BBOF1: variants seen among roughly 807,000 people sequenced by gnomAD.
BBOF1 encodes basal body-orientation factor 1.
BBOF1 carries 62 observed loss-of-function variants against 68.0 expected under a neutral mutation model. The observed-to-expected ratio is 0.91, with a 90% CI of 0.74 to 1.13. The LOEUF (loss-of-function observed/expected upper bound fraction) is 1.13, where lower values mean the gene tolerates loss of function less well. BBOF1 is among the 50% of genes most tolerant of loss of function. The pLI, the probability that BBOF1 is intolerant of heterozygous loss-of-function variation, is 0.00. For synonymous variants in BBOF1, 208 were observed against 198.8 expected (o/e 1.05, Z -0.39); for missense variants, 534 against 600.1 (o/e 0.89, Z 1.15).
At chr14:74,067,354 A>G, downstream of BBOF1, 1 of 1,612,042 alleles carries the variant, frequency 6.2e-7, no homozygotes. Flanking sequence ...GCAAAATCTA[A>G]GGGGGCAAGT....
chr14:74,082,739 C>G (rs566461024), intron 12 of BBOF1: 1 of 151,992 alleles, frequency 6.6e-6, no homozygotes, highest in South Asian at 2.1e-4. Flanking sequence ...CAAAGATTCA[C>G]GTTACAACTC....
At chr14:74,040,288 C>G (rs901781250) in intron 4 of BBOF1, among the ~76,000 whole-genome samples, 1 of 152,182 alleles carries the variant, frequency 6.6e-6, no homozygotes, top group Non-Finnish European at 1.5e-5. Flanking sequence ...CGTGCTCAGC[C>G]TCTTAATATT....
intron 9 of BBOF1, 178 bp from the exon 10 acceptor site, chr14:74,056,728 G>A (rs761526507): frequency 3.6e-6 from 2 of 563,342 alleles, no homozygotes; most frequent in Non-Finnish European, 6.3e-6. Context: ...TCTCTATGAT[G>A]TGATTATTTC....
At chr14:74,043,252 T>G (rs1258513073) in intron 5 of BBOF1, among the ~76,000 whole-genome samples, 1 of 152,030 alleles carries the variant, frequency 6.6e-6, no homozygotes, top group African/African-American at 2.4e-5. Context: ...TATATATATA[T>G]TTTTTAAGAC....
intron 3 of BBOF1, among the ~76,000 whole-genome samples, chr14:74,030,827 C>T (rs1317169795): frequency 6.6e-6 from 1 of 151,240 alleles, no homozygotes; most frequent in Non-Finnish European, 1.5e-5. Flanking sequence ...TGTAGAAAAC[C>T]ATTTTATTTA....
intron 8 of BBOF1, among the ~76,000 whole-genome samples, chr14:74,051,953 A>AT (rs1488890327): frequency 2.2e-4 from 33 of 151,858 alleles, no homozygotes; most frequent in Admixed American, 1.8e-3. Context: ...GTTTTGAATT[A>AT]TATGGCTGTT....
In BBOF1 at chr14:74,050,088, G is replaced by C; in HGVS notation, c.1179G>C (p.Met393Ile). 1 of 1,614,018 alleles carries C rather than the reference G, an allele frequency of 6.2e-7. No homozygotes were observed. The highest frequency in any genetic ancestry group is 8.5e-7 in the Non-Finnish European group (1 of 1,179,942). ...QIAQAAFNLK[M>I]RAACTGRTEY... ...CACAAGCTGCTTTCAATTTAAAAAT[G>C]AGAGCAGCATGTACAGGAAGAACAG... Residue 393 changes from methionine to isoleucine, a missense_variant, in exon 8 of 12, where the codon ATG becomes ATC. By Grantham distance (10) the Met-to-Ile change is conservative (BLOSUM62 1). Coordinates refer to ENST00000394009, the MANE Select transcript of BBOF1 (RefSeq NM_025057.3).
intron 2 of BBOF1, among the ~76,000 whole-genome samples, chr14:74,028,220 T>G (rs545173955): frequency 6.6e-6 from 1 of 151,790 alleles, no homozygotes; most frequent in Admixed American, 6.6e-5. Flanking sequence ...ATACAAAAAA[T>G]TAGCCAAGTG....
rs1360588483 is a variant in BBOF1 at position 74,059,214 on chromosome 14, C to T, written c.1578+1956C>T. ...AATTTCTTAGGCCCAGTTAATTGCTCTACATGAAGAGTTCTTCATTAAACA... is the reference window on the plus strand; with the variant it reads ...AATTTCTTAGGCCCAGTTAATTGCTTTACATGAAGAGTTCTTCATTAAACA... On this transcript the variant is annotated intron_variant, in intron 11 of 11. Transcript: ENST00000394009. 2.2e-5 allele frequency: 6 copies of T among 274,966 alleles called. No individual in the cohort carries two copies. The East Asian group carries it at 6.7e-4, about 31-fold the overall frequency. 17.0% of individuals were successfully genotyped at this position (274,966 alleles called of 1,614,324 possible).
rs779917773 is a variant in BBOF1 at position 74,029,149 on chromosome 14, T to G, written c.286-35T>G. The stretch of plus-strand genomic sequence containing the variant: ...TAAAGGTAGACATAGAGCAGTTTCT[T>G]TATCTTCATGACCCTGTATTTTGAT... On this transcript the variant is annotated intron_variant, in intron 2 of 11. Coordinates refer to ENST00000394009, the MANE Select transcript of BBOF1 (RefSeq NM_025057.3). 8.6e-6 allele frequency: 12 copies of G among 1,393,676 alleles called. No individual in the cohort carries two copies. The Admixed American group carries it at 2.4e-4, about 28-fold the overall frequency. 86.3% of individuals were successfully genotyped at this position (1,393,676 alleles called of 1,614,324 possible).
downstream of BBOF1, among the ~76,000 whole-genome samples, chr14:74,069,737 G>A (rs541229157): frequency 6.6e-6 from 1 of 151,812 alleles, no homozygotes; most frequent in South Asian, 2.1e-4. Flanking sequence ...TGGGCAACAA[G>A]AGCAAAACTC....
intron 2 of BBOF1, among the ~76,000 whole-genome samples, chr14:74,028,727 T>A (rs1304778073): frequency 6.6e-6 from 1 of 151,316 alleles, no homozygotes; most frequent in African/African-American, 2.4e-5. Context: ...TTTTTTTTTT[T>A]AGACAGAGTC....
intron 4 of BBOF1, among the ~76,000 whole-genome samples, chr14:74,035,200 T>C (rs1259807709): frequency 6.6e-6 from 1 of 151,836 alleles, no homozygotes; most frequent in Middle Eastern, 3.2e-3. Flanking sequence ...GTAAAAATTA[T>C]ATAAACAGTG....
intron 9 of BBOF1, chr14:74,071,498 C>A: frequency 6.2e-7 from 1 of 1,613,800 alleles, no homozygotes; most frequent in Non-Finnish European, 8.5e-7. Flanking sequence ...TCAACCACCT[C>A]TGGAACACAG....
At chr14:74,075,987 T>A (rs2060608839) in intron 9 of BBOF1, among the ~76,000 whole-genome samples, 1 of 152,212 alleles carries the variant, frequency 6.6e-6, no homozygotes, top group Admixed American at 6.5e-5. Flanking sequence ...AAGTACATAC[T>A]GTATGATTCT....
At chr14:74,059,267 G>T (rs542424036) in intron 11 of BBOF1, 1 of 385,312 alleles carries the variant, frequency 2.6e-6, no homozygotes, top group African/African-American at 2.1e-5. Flanking sequence ...ACAGGCAAGA[G>T]AAAAGAATAT....
rs550932202 is a variant in BBOF1 at position 74,050,077 on chromosome 14, A to T, written c.1168A>T (p.Asn390Tyr). ...TAAGCAGATAGCACAAGCTGCTTTC[A>T]ATTTAAAAATGAGAGCAGCATGTAC... ...HYKQIAQAAF[N>Y]LKMRAACTGR... Residue 390 changes from asparagine (N) to tyrosine (Y), a missense_variant, in exon 8 of 12, where the codon AAT becomes TAT. Physicochemically the swap from Asn to Tyr is moderately radical, Grantham distance 143. Transcript: ENST00000394009. 5 of 1,614,026 alleles carry T rather than the reference A, an allele frequency of 3.1e-6. No individual in the cohort carries two copies. In the Admixed American group the frequency reaches 8.3e-5, roughly 27 times the overall value.
intron 5 of BBOF1, among the ~76,000 whole-genome samples, chr14:74,041,166 G>A (rs942087661): frequency 6.6e-6 from 1 of 152,150 alleles, no homozygotes; most frequent in African/African-American, 2.4e-5. Flanking sequence ...AGCCGGGCAT[G>A]GTGGCACATG....
At chr14:74,051,510 C>T (rs2060067213) in intron 8 of BBOF1, among the ~76,000 whole-genome samples, 1 of 151,702 alleles carries the variant, frequency 6.6e-6, no homozygotes, top group Admixed American at 6.6e-5. Context: ...GTAGTGCCCC[C>T]AGCATTGTAT....
Sources: gnomAD v4.1 joint callset for allele counts (sites outside exome capture counted in the v4.1 genomes callset) on GRCh38, gnomAD v4.1.1 for gene constraint, MANE v1.5 for transcripts, NCBI Gene and HGNC (gene_info 2026-07-23, HGNC 2026-07-21) for gene names.